Variants in CENPP observed in about 807,000 individuals in gnomAD.
CENPP encodes centromere protein P.
CENPP carries 24 observed loss-of-function variants against 35.6 expected under a neutral mutation model. The observed-to-expected ratio is 0.67, with a 90% CI of 0.49 to 0.95. The LOEUF (loss-of-function observed/expected upper bound fraction) is 0.95. CENPP is among the 40% of genes least tolerant of loss of function. The probability of loss-of-function intolerance (pLI) is 0.00; values close to 1 mark genes in which losing one functional copy is unlikely to be tolerated. For missense variants in CENPP, 332 were observed against 345.3 expected, an observed-to-expected ratio of 0.96 and a Z score of 0.31; for synonymous variants, 120 against 125.5, an observed-to-expected ratio of 0.96 and a Z score of 0.29.
intron 4 of CENPP, among the ~76,000 whole-genome samples, chr9:92,363,115 T>G (rs1229955598): frequency 1.3e-5 from 2 of 152,162 alleles, no homozygotes; most frequent in Non-Finnish European, 2.9e-5. Context: ...AGTTTCTTTT[T>G]GTGGGAAATG....
chr9:92,464,450 G>A (rs1845229232), intron 5 of CENPP, among the ~76,000 whole-genome samples: 1 of 152,212 alleles, frequency 6.6e-6, no homozygotes, highest in African/African-American at 2.4e-5. Flanking sequence ...AAGAAGCTGG[G>A]TACAAAATGC....
At chr9:92,577,574 C>CA (rs1588290968) in intron 5 of CENPP, among the ~76,000 whole-genome samples, 1 of 151,544 alleles carries the variant, frequency 6.6e-6, no homozygotes, top group South Asian at 2.1e-4. Context: ...TAGAAACAGG[C>CA]AAAAAAATAA....
Position 92,505,592 on chromosome 9 carries a change from A to G in CENPP, c.565-105722A>G, listed in dbSNP as rs150773107. ...CTAAATTTATTTTTTCCCAGACGCA[A>G]GTAGGCTAGGCTCTTCAAAGGTTTG... On this transcript the variant is annotated intron_variant, in intron 5 of 7. Transcript: ENST00000375587. 161 of 1,609,878 alleles carry G rather than the reference A, an allele frequency of 1.0e-4. 2 individuals carry two copies. The highest frequency in any genetic ancestry group is 9.9e-4 in the Middle Eastern group (6 of 6,058).
intron 5 of CENPP, among the ~76,000 whole-genome samples, chr9:92,437,336 T>A (rs1588129150): frequency 6.6e-6 from 1 of 152,178 alleles, no homozygotes; most frequent in African/African-American, 2.4e-5. Context: ...TGGATATAAG[T>A]CCTTTATCAA....
intron 5 of CENPP, among the ~76,000 whole-genome samples, chr9:92,390,871 C>G (rs916739641): frequency 1.3e-5 from 2 of 152,140 alleles, no homozygotes; most frequent in Non-Finnish European, 2.9e-5. Flanking sequence ...CATGCCTGAA[C>G]AAACCTTATC....
intron 5 of CENPP, among the ~76,000 whole-genome samples, chr9:92,406,986 T>G (rs752986000): frequency 6.6e-6 from 1 of 152,184 alleles, no homozygotes; most frequent in Non-Finnish European, 1.5e-5. Context: ...AAGACCATTA[T>G]ACTCATGATT....
intron 4 of CENPP, among the ~76,000 whole-genome samples, chr9:92,349,812 C>T (rs1841399390): frequency 6.6e-6 from 1 of 152,208 alleles, no homozygotes; most frequent in African/African-American, 2.4e-5. Context: ...TACAAACATT[C>T]ATATGCTATA....
Position 92,390,598 on chromosome 9 carries a change from G to A in CENPP, c.564+10739G>A, listed in dbSNP as rs539686483. On this transcript the variant is annotated intron_variant, in intron 5 of 7. Transcript: ENST00000375587. ...TGTGTGTGTGTGTGTGCGCGCGCGC[G>A]TACTTGCGTGTGCATCACGTATATC... is the stretch of plus-strand genomic sequence containing the variant. Among the ~76,000 whole-genome samples, 64 of 152,128 alleles carry A rather than the reference G, an allele frequency of 4.2e-4. 2 individuals are homozygous for A. Among genetic ancestry groups the A allele is most frequent in the Middle Eastern group, 3.4e-3 (1 of 294 alleles).
At chr9:92,473,921 A>G (rs1221211462) in intron 5 of CENPP, among the ~76,000 whole-genome samples, 1 of 152,162 alleles carries the variant, frequency 6.6e-6, no homozygotes, top group African/African-American at 2.4e-5. Context: ...TCAGCCCCTG[A>G]GTGGGAGTTG....
At chr9:92,407,343 C>A (rs1843333324) in intron 5 of CENPP, among the ~76,000 whole-genome samples, 1 of 152,148 alleles carries the variant, frequency 6.6e-6, no homozygotes, top group Non-Finnish European at 1.5e-5. Flanking sequence ...GCTGATCTCA[C>A]CCTAAACAAA....
At chr9:92,384,398 T>C (rs1842346239) in intron 5 of CENPP, 1 of 152,190 alleles carries the variant, frequency 6.6e-6, no homozygotes, top group Non-Finnish European at 1.5e-5. Context: ...GGAAATAATG[T>C]TTGTACTTTT....
chr9:92,595,488 G>C (rs1047602689), intron 5 of CENPP, among the ~76,000 whole-genome samples: 1 of 151,792 alleles, frequency 6.6e-6, no homozygotes, highest in Admixed American at 6.6e-5. Flanking sequence ...GCAATCATCC[G>C]GCCTTACACT....
At chr9:92,571,989 C>T (rs1282904373) in intron 5 of CENPP, among the ~76,000 whole-genome samples, 1 of 150,786 alleles carries the variant, frequency 6.6e-6, no homozygotes, top group Non-Finnish European at 1.5e-5. Flanking sequence ...TGTCTCTGCA[C>T]ATGAGATGGG....
chr9:92,560,774 C>T (rs1479503834), intron 5 of CENPP, among the ~76,000 whole-genome samples: 1 of 152,134 alleles, frequency 6.6e-6, no homozygotes, highest in Admixed American at 6.6e-5. Flanking sequence ...TATTCTACCA[C>T]CGTTCTGCTT....
At chr9:92,484,090 A>C (rs866834359) in intron 5 of CENPP, among the ~76,000 whole-genome samples, 2 of 152,330 alleles carry the variant, frequency 1.3e-5, no homozygotes, top group African/African-American at 4.8e-5. Context: ...ATTCCTTCAG[A>C]ACACAGTCAT....
Position 92,610,904 on chromosome 9 carries a change from G to C in CENPP, c.565-410G>C, listed in dbSNP as rs1434848843. On this transcript the variant is annotated intron_variant, in intron 5 of 7. Coordinates refer to ENST00000375587, the MANE Select transcript of CENPP (RefSeq NM_001012267.3). ...TTCAGGTCAGATGCTAAAACCGTGA[G>C]AAAACAGCTGCTTTCCAGCAAAGAG... The C allele has an allele frequency of 1.8e-5, 4 of 221,190 alleles. No individual in the cohort carries two copies. In the South Asian group the frequency reaches 2.0e-4, roughly 11 times the overall value. The allele number at this position is 221,190 out of a possible 1,614,324, so 13.7% of individuals were successfully genotyped here. A position where few individuals can be genotyped will look rare whatever the true frequency, so the allele number is the denominator to read the frequency against.
intron 2 of CENPP, among the ~76,000 whole-genome samples, chr9:92,337,097 C>A (rs1201362030): frequency 1.3e-5 from 2 of 152,192 alleles, no homozygotes; most frequent in Non-Finnish European, 2.9e-5. Context: ...GTGGGTGGAT[C>A]ACCTGAGGTC....
chr9:92,600,660 G>GT (rs543264212), intron 5 of CENPP, among the ~76,000 whole-genome samples: 9 of 152,358 alleles, frequency 5.9e-5, no homozygotes, highest in African/African-American at 1.9e-4. Context: ...TGGGGGTTGT[G>GT]TTTTTGCTCC....
intron 5 of CENPP, among the ~76,000 whole-genome samples, chr9:92,458,957 T>C (rs528824831): frequency 6.6e-6 from 1 of 152,316 alleles, no homozygotes; most frequent in African/African-American, 2.4e-5. Context: ...TTGCCCAGTT[T>C]TGTTCTCAAG....
Sources: gnomAD v4.1 joint callset for allele counts (sites outside exome capture counted in the v4.1 genomes callset) on GRCh38, gnomAD v4.1.1 for gene constraint, MANE v1.5 for transcripts, NCBI Gene and HGNC (gene_info 2026-07-23, HGNC 2026-07-21) for gene names.